MINDY3: variants seen among roughly 807,000 people sequenced by gnomAD.
MINDY3 encodes the protein ubiquitin carboxyl-terminal hydrolase MINDY-3.
MINDY3 carries 38 observed loss-of-function variants against 69.2 expected under a neutral mutation model. That is an observed-to-expected ratio of 0.55 (90% CI 0.42 to 0.72). The LOEUF (loss-of-function observed/expected upper bound fraction) is 0.72, where lower values mean the gene tolerates loss of function less well. Ranked by LOEUF, MINDY3 falls within the 30% of genes least tolerant of loss-of-function variation. The pLI is 0.00. For missense variants in MINDY3, 522 were observed against 519.0 expected (o/e 1.01, Z -0.06); for synonymous variants, 192 against 180.1 (o/e 1.07, Z -0.53).
intron 11 of MINDY3, among the ~76,000 whole-genome samples, chr10:15,793,435 G>A (rs2131869063): frequency 6.6e-6 from 1 of 152,194 alleles, no homozygotes; most frequent in Non-Finnish European, 1.5e-5. Flanking sequence ...TTATAAGTAT[G>A]CTTGATATCA....
intron 10 of MINDY3, among the ~76,000 whole-genome samples, chr10:15,801,980 G>T (rs1240692460): frequency 1.3e-5 from 2 of 151,776 alleles, no homozygotes; most frequent in Non-Finnish European, 2.9e-5. Context: ...TGACGTAGAA[G>T]AAGCAGGGCC....
intron 8 of MINDY3, among the ~76,000 whole-genome samples, chr10:15,826,224 C>A (rs997923113): frequency 6.6e-6 from 1 of 152,040 alleles, no homozygotes; most frequent in Non-Finnish European, 1.5e-5. Context: ...AGCCAGCCAT[C>A]GAATGGTTTT....
chr10:15,782,526 CA>C (rs1278764266), intron 13 of MINDY3, among the ~76,000 whole-genome samples: 1 of 151,948 alleles, frequency 6.6e-6, no homozygotes, highest in African/African-American at 2.4e-5. Flanking sequence ...TTTCAAAAGA[CA>C]AGCTTCTAAA....
At chr10:15,848,055 CT>C in intron 1 of MINDY3, 112 bp from the exon 2 acceptor site, 1 of 827,218 alleles carries the variant, frequency 1.2e-6, no homozygotes, top group South Asian at 1.5e-5. Flanking sequence ...AGCAAAATAT[CT>C]TCAAATCATG....
intron 8 of MINDY3, among the ~76,000 whole-genome samples, chr10:15,827,175 G>GGAAAAA (rs1564502039): frequency 4.2e-5 from 1 of 23,672 alleles, no homozygotes; most frequent in African/African-American, 3.5e-4. Context: ...TATAACAGGA[G>GGAAAAA]TAAAAAAAAA....
rs1018112045 is a variant in MINDY3, at chr10:15,819,970, T to C, written c.801+1686A>G. The stretch of plus-strand genomic sequence containing the variant: ...CAATTCTGGTGAATACGTCCATTCA[T>C]TCATTCAACAAATATTTCTGAGCAC... On this transcript the variant is annotated intron_variant, in intron 9 of 14. Coordinates refer to ENST00000277632, the MANE Select transcript of MINDY3 (RefSeq NM_024948.4). Among the ~76,000 whole-genome samples, 7 of 152,160 alleles carry C rather than the reference T, an allele frequency of 4.6e-5. No homozygotes were observed. In the East Asian group the frequency reaches 9.6e-4, roughly 21 times the overall value.
intron 2 of MINDY3, among the ~76,000 whole-genome samples, chr10:15,847,073 A>C (rs7096756): frequency 0.021 from 3,175 of 152,274 alleles, 80 homozygotes; most frequent in African/African-American, 0.069. Context: ...TTAAATATAT[A>C]TATTTTCAAA....
At chr10:15,789,390 G>A (rs1837242744) in intron 11 of MINDY3, 71 bp from the exon 12 acceptor site, 2 of 1,191,370 alleles carry the variant, frequency 1.7e-6, no homozygotes, top group East Asian at 2.4e-5. Context: ...ATGCTGATCA[G>A]GTTCCAGGAA....
chr10:15,779,234 G>A (rs1190675012), intron 14 of MINDY3, 93 bp from the exon 15 acceptor site: 4 of 1,020,392 alleles, frequency 3.9e-6, no homozygotes, highest in African/African-American at 3.3e-5. Context: ...AGCAAATAAG[G>A]TATTACATAG....
chr10:15,801,178 C>CA (rs1325100549), intron 10 of MINDY3, among the ~76,000 whole-genome samples: 1 of 152,044 alleles, frequency 6.6e-6, no homozygotes, highest in Non-Finnish European at 1.5e-5. Flanking sequence ...CCTATTCCGG[C>CA]ATGGGGGGGA....
intron 8 of MINDY3, among the ~76,000 whole-genome samples, chr10:15,831,158 A>G (rs1840430304): frequency 6.6e-6 from 1 of 152,184 alleles, no homozygotes; most frequent in South Asian, 2.1e-4. Flanking sequence ...GTGGTAGATA[A>G]AGGAGTTATG....
At chr10:15,779,616 A>C (rs1029348856) in intron 14 of MINDY3, among the ~76,000 whole-genome samples, 5 of 152,192 alleles carry the variant, frequency 3.3e-5, no homozygotes, top group Non-Finnish European at 7.3e-5. Context: ...TTAAGTATTG[A>C]ATTTCTAGAG....
At chr10:15,792,379 C>T (rs1049565910) in intron 11 of MINDY3, among the ~76,000 whole-genome samples, 5 of 152,168 alleles carry the variant, frequency 3.3e-5, no homozygotes, top group African/African-American at 1.2e-4. Context: ...AAATAAGTAG[C>T]TCATTTATAG....
At chr10:15,782,325 C>A in intron 13 of MINDY3, 99 bp from the exon 14 acceptor site, 1 of 817,154 alleles carries the variant, frequency 1.2e-6, no homozygotes, top group South Asian at 1.8e-5. Flanking sequence ...AATCCTTATC[C>A]TTTGACTGGG....
chr10:15,829,706 G>A (rs895098106), intron 8 of MINDY3, among the ~76,000 whole-genome samples: 1 of 152,188 alleles, frequency 6.6e-6, no homozygotes, highest in Non-Finnish European at 1.5e-5. Context: ...TGGAATGACA[G>A]ACAGAAAGCT....
chr10:15,783,469 C>G (rs1442950624), intron 13 of MINDY3, among the ~76,000 whole-genome samples: 1 of 151,958 alleles, frequency 6.6e-6, no homozygotes, highest in East Asian at 1.9e-4. Context: ...TTTTTTTACT[C>G]TTCTCTAAAA....
chr10:15,836,694 G>A (rs1317499091), intron 6 of MINDY3, among the ~76,000 whole-genome samples: 2 of 151,230 alleles, frequency 1.3e-5, no homozygotes, highest in Non-Finnish European at 1.5e-5. Flanking sequence ...TCCATAAAAG[G>A]CATACTGGAT....
intron 2 of MINDY3, among the ~76,000 whole-genome samples, chr10:15,843,635 C>T (rs2132097969): frequency 6.6e-6 from 1 of 152,160 alleles, no homozygotes; most frequent in South Asian, 2.1e-4. Flanking sequence ...CATTTAGATT[C>T]CTTCAGGTAA....
chr10:15,855,884 C>A (rs1415615581), intron 1 of MINDY3, among the ~76,000 whole-genome samples: 1 of 151,790 alleles, frequency 6.6e-6, no homozygotes, highest in Non-Finnish European at 1.5e-5. Flanking sequence ...AAATATAGTA[C>A]AAATATAAGA....
Sources: allele counts gnomAD v4.1 joint callset (sites outside exome capture counted in the v4.1 genomes callset), GRCh38; gene constraint gnomAD v4.1.1; transcripts MANE v1.5; gene names NCBI Gene and HGNC (gene_info 2026-07-23, HGNC 2026-07-21).